The following SORCS1 variants were observed in gnomAD, a reference collection of about 807,000 sequenced individuals.
SORCS1 encodes VPS10 domain-containing receptor SorCS1.
In SORCS1, 60 loss-of-function variants were observed where a neutral mutation model predicts 146.1. That is an observed-to-expected ratio of 0.41 (90% CI 0.33 to 0.51). The LOEUF is 0.51. SORCS1 is among the 20% of genes least tolerant of loss of function. SORCS1 has a pLI of 0.21. For synonymous variants in SORCS1, 637 were observed against 584.0 expected, an observed-to-expected ratio of 1.09 and a Z score of -1.31; for missense variants, 1,352 against 1,487.6, an observed-to-expected ratio of 0.91 and a Z score of 1.50.
chr10:107,160,620 G>C (rs1969627918), intron 1 of SORCS1, among the ~76,000 whole-genome samples: 1 of 152,146 alleles, frequency 6.6e-6, no homozygotes, highest in Admixed American at 6.5e-5. Flanking sequence ...AAAAATAGAA[G>C]TCAAGTAAAA....
intron 3 of SORCS1, among the ~76,000 whole-genome samples, chr10:106,817,748 C>T (rs184643690): frequency 2.6e-4 from 40 of 152,312 alleles, no homozygotes; most frequent in African/African-American, 8.4e-4. Flanking sequence ...TCCCTTCCAT[C>T]TGTGAGCTCT....
chr10:106,969,893 A>G (rs1321216047), intron 1 of SORCS1: 1 of 152,224 alleles, frequency 6.6e-6, no homozygotes. Context: ...AGGACTCCCC[A>G]TTAGATGCTC....
intron 1 of SORCS1, among the ~76,000 whole-genome samples, chr10:107,115,505 G>A (rs1565064318): frequency 6.6e-6 from 1 of 151,814 alleles, no homozygotes; most frequent in Non-Finnish European, 1.5e-5. Flanking sequence ...ACGGTGAGGG[G>A]AAAAAATCAC....
At chr10:106,697,443 G>A (rs1403832631) in intron 9 of SORCS1, among the ~76,000 whole-genome samples, 5 of 131,654 alleles carry the variant, frequency 3.8e-5, no homozygotes, top group Non-Finnish European at 8.2e-5. Flanking sequence ...GTGACAGAGT[G>A]AGACTCCATC....
chr10:106,700,742 G>A (rs1002555670), intron 8 of SORCS1, among the ~76,000 whole-genome samples: 6 of 152,096 alleles, frequency 3.9e-5, no homozygotes, highest in African/African-American at 9.6e-5. Context: ...CCTCTTTACC[G>A]TTTATCACAG....
At chr10:107,113,966 A>C (rs757241657) in intron 1 of SORCS1, among the ~76,000 whole-genome samples, 16 of 152,136 alleles carry the variant, frequency 1.1e-4, no homozygotes, top group Non-Finnish European at 1.9e-4. Flanking sequence ...AAAGCGACCC[A>C]AAACTGGTAA....
intron 14 of SORCS1, among the ~76,000 whole-genome samples, chr10:106,673,367 A>G (rs1056784967): frequency 6.6e-6 from 1 of 152,082 alleles, no homozygotes; most frequent in African/African-American, 2.4e-5. Flanking sequence ...TCCTGACCTC[A>G]TGATCCGCCC....
At chr10:106,867,699 A>G (rs1950271431) in intron 2 of SORCS1, among the ~76,000 whole-genome samples, 1 of 152,118 alleles carries the variant, frequency 6.6e-6, no homozygotes, top group African/African-American at 2.4e-5. Flanking sequence ...ATGTTGAGTG[A>G]GCAATGGAAC....
intron 2 of SORCS1, among the ~76,000 whole-genome samples, chr10:106,954,074 C>T (rs150588203): frequency 1.8e-4 from 28 of 152,246 alleles, no homozygotes; most frequent in African/African-American, 6.5e-4. Context: ...GTAACAATGC[C>T]CCTTCATGGA....
At position 107,036,510 on chromosome 10, in the gene SORCS1, G is replaced by C. The variant is rs1341435781; in HGVS notation, c.559-79930C>G. On this transcript the variant is annotated intron_variant, in intron 1 of 25. Transcript: ENST00000263054. Reference sequence around the variant, plus strand: ...TACAGACCTATGATAATTGAGGAGAGAGTTGATGACACTGGCATAAGTGAA... The same window carrying C: ...TACAGACCTATGATAATTGAGGAGACAGTTGATGACACTGGCATAAGTGAA... Among the ~76,000 whole-genome samples the C allele has an allele frequency of 2.6e-5, 4 of 152,160 alleles. No individual in the cohort carries two copies. The East Asian group carries it at 7.7e-4, about 29-fold the overall frequency.
At chr10:106,776,434 C>A in intron 4 of SORCS1, 100 bp downstream of exon 4, 8 of 1,493,060 alleles carry the variant, frequency 5.4e-6, no homozygotes, top group Non-Finnish European at 7.3e-6. Context: ...CTGCTCAGAA[C>A]AAAAATGATC....
chr10:107,062,099 A>T (rs528583715), intron 1 of SORCS1, among the ~76,000 whole-genome samples: 2 of 152,146 alleles, frequency 1.3e-5, no homozygotes, highest in African/African-American at 4.8e-5. Context: ...AAATTCACTG[A>T]TCTATCCAAA....
At chr10:106,823,156 G>A (rs947877256) in intron 3 of SORCS1, among the ~76,000 whole-genome samples, 16 of 152,126 alleles carry the variant, frequency 1.1e-4, no homozygotes, top group Admixed American at 6.5e-5. Context: ...TGTACAAAGT[G>A]ACAGATGAAA....
chr10:106,818,351 T>G (rs1176404095), intron 3 of SORCS1, among the ~76,000 whole-genome samples: 1 of 151,152 alleles, frequency 6.6e-6, no homozygotes, highest in African/African-American at 2.4e-5. Flanking sequence ...AAAACTGTAA[T>G]TCAAATGGGT....
At chr10:106,631,449 C>T (rs1349206724) in intron 18 of SORCS1, among the ~76,000 whole-genome samples, 1 of 152,198 alleles carries the variant, frequency 6.6e-6, no homozygotes, top group Non-Finnish European at 1.5e-5. Context: ...TAGTTTTCAA[C>T]AGAGTTGCTG....
At chr10:106,638,471 C>T (rs1343789404) in intron 18 of SORCS1, among the ~76,000 whole-genome samples, 2 of 152,112 alleles carry the variant, frequency 1.3e-5, no homozygotes, top group African/African-American at 2.4e-5. Flanking sequence ...TAAAATCACC[C>T]ATAATTATAT....
intron 1 of SORCS1, among the ~76,000 whole-genome samples, chr10:106,998,814 G>C (rs77832640): frequency 3.9e-5 from 6 of 152,140 alleles, no homozygotes; most frequent in African/African-American, 1.2e-4. Context: ...AGCTCCAAAA[G>C]TTTAGGACTT....
intron 2 of SORCS1, among the ~76,000 whole-genome samples, chr10:106,885,287 G>C (rs562877725): frequency 6.4e-5 from 8 of 124,222 alleles, no homozygotes; most frequent in East Asian, 5.4e-4. Flanking sequence ...GAGAAAATTG[G>C]GGGGGGGGAA....
chr10:106,932,738 G>A (rs192953728), intron 2 of SORCS1, among the ~76,000 whole-genome samples: 5 of 152,192 alleles, frequency 3.3e-5, no homozygotes, highest in African/African-American at 1.2e-4. Flanking sequence ...CCTTCAAGGT[G>A]AGCACTCCCC....
Sources: allele counts gnomAD v4.1 joint callset (sites outside exome capture counted in the v4.1 genomes callset), GRCh38; gene constraint gnomAD v4.1.1; transcripts MANE v1.5; gene names NCBI Gene and HGNC (gene_info 2026-07-23, HGNC 2026-07-21).